Variants in RIMS1 observed in about 807,000 individuals in gnomAD.
The protein encoded by RIMS1 is regulating synaptic membrane exocytosis 1.
Under a neutral mutation model 214.1 loss-of-function variants are expected in RIMS1, and 83 were observed. That is an observed-to-expected ratio of 0.39 (90% CI 0.32 to 0.47). The LOEUF (loss-of-function observed/expected upper bound fraction) is 0.47. Among genes scored for constraint, RIMS1 ranks in the 20% least tolerant of loss-of-function variants. The pLI, the probability that RIMS1 is intolerant of heterozygous loss-of-function variation, is 0.99. For synonymous variants in RIMS1, 793 were observed against 786.8 expected (o/e 1.01, Z -0.13); for missense variants, 2,050 against 2,161.8 (o/e 0.95, Z 1.03).
intron 10 of RIMS1, 111 bp from the exon 11 acceptor site, chr6:72,245,704 C>A: frequency 1.3e-6 from 1 of 752,852 alleles, no homozygotes; most frequent in Non-Finnish European, 2.3e-6. Context: ...TATTCATTTC[C>A]ACACCTGTAA....
intron 24 of RIMS1, among the ~76,000 whole-genome samples, chr6:72,287,321 T>C (rs950859303): frequency 2.6e-5 from 4 of 152,206 alleles, no homozygotes; most frequent in Non-Finnish European, 5.9e-5. Flanking sequence ...CTTTAACAAG[T>C]TGTTTAAAAA....
chr6:72,274,411 A>G lies in RIMS1; in HGVS notation c.3461A>G (p.His1154Arg), dbSNP rs1243887480. Residue 1154 changes from histidine to arginine, a missense_variant, in exon 23 of 34, where the codon CAT (histidine) becomes CGT (arginine). By Grantham distance (29) the His-to-Arg change is conservative. This residue lies in a region of RIMS1 where 889 missense variants were observed against 885.5 expected (regional missense o/e 1.00). Transcript: ENST00000521978. ...RPPSPRIQIQ[H>R]ASPENDRHSR... is the part of the protein sequence containing the mutation. The stretch of plus-strand genomic sequence containing the variant: ...CCTAGTCCCAGGATTCAAATCCAGC[A>G]TGCGTCTCCGGAGAATGACAGGTAC... 33 of 1,613,224 alleles carry G rather than the reference A, an allele frequency of 2.0e-5. No individual in the cohort carries two copies. Among genetic ancestry groups the G allele is most frequent in the Non-Finnish European group, 2.7e-5 (32 of 1,179,442 alleles).
At chr6:71,898,323 C>A (rs1215301705) in intron 1 of RIMS1, among the ~76,000 whole-genome samples, 1 of 152,074 alleles carries the variant, frequency 6.6e-6, no homozygotes, top group Non-Finnish European at 1.5e-5. Context: ...AAGCATTCTA[C>A]TGGTTATATT....
chr6:71,973,673 T>A lies in RIMS1; in HGVS notation c.245+4610T>A, dbSNP rs115158458. Among the ~76,000 whole-genome samples, 1,132 of 152,230 alleles carry A rather than the reference T, an allele frequency of 7.4e-3. 13 individuals carry two copies. Among genetic ancestry groups the A allele is most frequent in the African/African-American group, 0.026 (1,067 of 41,526 alleles). ...CTAGGAGGAGAGTTAGGTTCAGGTGTGTCAGTCAAGTGAGACACAGAGGAG... is the reference window on the plus strand; with the variant it reads ...CTAGGAGGAGAGTTAGGTTCAGGTGAGTCAGTCAAGTGAGACACAGAGGAG... On this transcript the variant is annotated intron_variant, in intron 2 of 33. Transcript: ENST00000521978.
chr6:72,188,031 G>C (rs2049418025), intron 6 of RIMS1, among the ~76,000 whole-genome samples: 1 of 152,186 alleles, frequency 6.6e-6, no homozygotes, highest in African/African-American at 2.4e-5. Context: ...CAGGTGGAAG[G>C]CTGAAAGACT....
chr6:72,314,337 C>G (rs901431003), intron 28 of RIMS1, among the ~76,000 whole-genome samples: 1 of 152,044 alleles, frequency 6.6e-6, no homozygotes, highest in Non-Finnish European at 1.5e-5. Flanking sequence ...GTCGTGTAAC[C>G]TAAAAATTTA....
chr6:72,359,417 T>G (rs1354070476), intron 29 of RIMS1, among the ~76,000 whole-genome samples: 1 of 152,094 alleles, frequency 6.6e-6, no homozygotes, highest in Non-Finnish European at 1.5e-5. Context: ...TAGGGTGGCT[T>G]CACTTCAAGA....
At chr6:72,351,557 G>A (rs1474531873) in intron 29 of RIMS1, among the ~76,000 whole-genome samples, 2 of 152,126 alleles carry the variant, frequency 1.3e-5, no homozygotes, top group African/African-American at 4.8e-5. Context: ...CAATTGGCTG[G>A]ATTCTTCAAG....
intron 29 of RIMS1, among the ~76,000 whole-genome samples, chr6:72,360,140 G>T (rs906257573): frequency 6.6e-6 from 1 of 152,110 alleles, no homozygotes. Flanking sequence ...GCCAAGCAGA[G>T]ACTAGTTTCT....
intron 10 of RIMS1, among the ~76,000 whole-genome samples, chr6:72,242,856 G>A (rs1194020119): frequency 2.6e-5 from 4 of 151,446 alleles, no homozygotes; most frequent in South Asian, 2.1e-4. Flanking sequence ...ATTATTCTAC[G>A]AAAGAATAAA....
chr6:72,174,227 G>A (rs1344538786), intron 4 of RIMS1, among the ~76,000 whole-genome samples: 1 of 152,088 alleles, frequency 6.6e-6, no homozygotes, highest in Non-Finnish European at 1.5e-5. Flanking sequence ...TTCCTTGAGG[G>A]TCCTCTTTTG....
intron 6 of RIMS1, 68 bp downstream of exon 6, chr6:72,183,217 G>T (rs2048595200): frequency 1.3e-6 from 2 of 1,507,306 alleles, no homozygotes; most frequent in Admixed American, 1.9e-5. Flanking sequence ...AGGTGCAGGT[G>T]CTAGGCTAGT....
In RIMS1 at chr6:72,281,438, G is replaced by T. The variant is rs189698956; in HGVS notation, c.3483-2609G>T. Among the ~76,000 whole-genome samples, 870 of 152,204 alleles carry T rather than the reference G, an allele frequency of 5.7e-3. 7 individuals are homozygous for T. The highest frequency in any genetic ancestry group is 0.021 in the Middle Eastern group (6 of 292). On this transcript the variant is annotated intron_variant, in intron 23 of 33. Coordinates refer to ENST00000521978, the MANE Select transcript of RIMS1 (RefSeq NM_014989.7). ...GAGATGAAAAGAGGAGGAAGAGTTTGAAAGTTTCACAGAGGAAATGAAATA... is the reference window on the plus strand; with the variant it reads ...GAGATGAAAAGAGGAGGAAGAGTTTTAAAGTTTCACAGAGGAAATGAAATA...
chr6:72,026,461 C>A (rs541562207), intron 2 of RIMS1, among the ~76,000 whole-genome samples: 3 of 140,926 alleles, frequency 2.1e-5, no homozygotes, highest in African/African-American at 2.6e-5. Flanking sequence ...CACCGCCCCC[C>A]CCCCCAACTT....
chr6:71,990,479 TGTG>T (rs1273796291), intron 2 of RIMS1, among the ~76,000 whole-genome samples: 1 of 152,146 alleles, frequency 6.6e-6, no homozygotes, highest in Non-Finnish European at 1.5e-5. Context: ...CTTGTAAGAC[TGTG>T]GTCAGCTATT....
chr6:72,131,227 A>T (rs139728742), intron 4 of RIMS1, among the ~76,000 whole-genome samples: 3 of 152,186 alleles, frequency 2.0e-5, no homozygotes, highest in Non-Finnish European at 2.9e-5. Flanking sequence ...TGGAAAGTGG[A>T]CCTGTTTCTC....
intron 29 of RIMS1, among the ~76,000 whole-genome samples, chr6:72,350,095 CTTTA>C (rs2097393871): frequency 1.3e-5 from 2 of 151,974 alleles, no homozygotes; most frequent in African/African-American, 4.8e-5. Flanking sequence ...ATGGATCATT[CTTTA>C]TTCTCTTTCA....
chr6:72,177,453 T>C (rs2047868137), intron 4 of RIMS1, among the ~76,000 whole-genome samples: 1 of 152,120 alleles, frequency 6.6e-6, no homozygotes, highest in Non-Finnish European at 1.5e-5. Flanking sequence ...GATTTCACCA[T>C]GTTGGCCTGA....
At chr6:71,986,809 G>A (rs1268547361) in intron 2 of RIMS1, among the ~76,000 whole-genome samples, 3 of 152,236 alleles carry the variant, frequency 2.0e-5, no homozygotes, top group African/African-American at 7.2e-5. Context: ...CAGTTGGAAT[G>A]GGCAATAGCC....
Sources: gnomAD v4.1 joint callset for allele counts (sites outside exome capture counted in the v4.1 genomes callset) on GRCh38, gnomAD v4.1.1 for gene constraint, gnomAD v4.1.1 regional missense constraint, MANE v1.5 for transcripts, NCBI Gene and HGNC (gene_info 2026-07-23, HGNC 2026-07-21) for gene names.